MAPKAP1: variants seen among roughly 807,000 people sequenced by gnomAD.
MAPKAP1 encodes target of rapamycin complex 2 subunit MAPKAP1.
A neutral mutation model predicts 65.7 loss-of-function variants in MAPKAP1; 20 were observed. That is an observed-to-expected ratio of 0.30 (90% CI 0.21 to 0.44). The LOEUF is 0.44. MAPKAP1 is among the 20% of genes least tolerant of loss of function. MAPKAP1 has a pLI of 1.00. For synonymous variants in MAPKAP1, 222 were observed against 244.3 expected (o/e 0.91, Z 0.85); for missense variants, 423 against 648.0 (o/e 0.65, Z 3.77).
intron 8 of MAPKAP1, among the ~76,000 whole-genome samples, chr9:125,500,180 T>A (rs1333414465): frequency 6.6e-6 from 1 of 152,134 alleles, no homozygotes; most frequent in African/African-American, 2.4e-5. Context: ...TTTTATTTTT[T>A]GAGATGGAGT....
intron 1 of MAPKAP1, among the ~76,000 whole-genome samples, chr9:125,703,218 T>A (rs964384776): frequency 2.6e-5 from 4 of 152,084 alleles, no homozygotes; most frequent in African/African-American, 9.7e-5. Flanking sequence ...TCCTAGTACA[T>A]AACAGGCATC....
chr9:125,557,904 T>C (rs375800685), intron 6 of MAPKAP1, among the ~76,000 whole-genome samples: 17 of 152,344 alleles, frequency 1.1e-4, no homozygotes, highest in East Asian at 7.7e-4. Flanking sequence ...TCGCCCAGGC[T>C]GGAGTGCAAT....
chr9:125,600,917 A>G (rs1832281408), intron 4 of MAPKAP1, among the ~76,000 whole-genome samples: 2 of 152,238 alleles, frequency 1.3e-5, no homozygotes, highest in Admixed American at 6.5e-5. Context: ...GGTAATCTGC[A>G]TGAACTAAGC....
intron 7 of MAPKAP1, among the ~76,000 whole-genome samples, chr9:125,518,842 A>T (rs1487890495): frequency 6.6e-6 from 1 of 152,242 alleles, no homozygotes; most frequent in African/African-American, 2.4e-5. Flanking sequence ...AACACACAGC[A>T]CAATCTGGAG....
In MAPKAP1 at chr9:125,517,939, C is replaced by A. The variant is rs553028088; in HGVS notation, c.959-11522G>T. Among the ~76,000 whole-genome samples, 209 of 149,984 alleles carry A rather than the reference C, an allele frequency of 1.4e-3. 1 individual carries two copies. Among genetic ancestry groups the A allele is most frequent in the African/African-American group, 5.1e-3 (203 of 39,442 alleles). ...CCCCCACCTAGCCAGCATCAGGGCA[C>A]TCTTTGAAGACGGGGTGGGAGGCTT... On this transcript the variant is annotated intron_variant, in intron 7 of 11. Coordinates refer to ENST00000265960, the MANE Select transcript of MAPKAP1 (RefSeq NM_001006617.3).
At chr9:125,459,735 G>A (rs1291077380) in intron 10 of MAPKAP1, among the ~76,000 whole-genome samples, 1 of 152,106 alleles carries the variant, frequency 6.6e-6, no homozygotes, top group African/African-American at 2.4e-5. Flanking sequence ...GAATCAGGCA[G>A]GGAGGTTGCA....
intron 5 of MAPKAP1, chr9:125,565,875 C>A: frequency 4.8e-6 from 1 of 208,882 alleles, no homozygotes. Flanking sequence ...TATCTACCAA[C>A]CCATTAACTA....
intron 9 of MAPKAP1, among the ~76,000 whole-genome samples, chr9:125,470,359 A>C (rs748077330): frequency 6.6e-6 from 1 of 152,180 alleles, no homozygotes; most frequent in African/African-American, 2.4e-5. Context: ...TAGTGCTACA[A>C]ATCTGGGTCC....
chr9:125,541,267 T>A (rs1332109174), intron 7 of MAPKAP1, among the ~76,000 whole-genome samples: 1 of 152,144 alleles, frequency 6.6e-6, no homozygotes, highest in Non-Finnish European at 1.5e-5. Context: ...AAAACGGGTA[T>A]GCAATTGGAC....
chr9:125,673,523 G>C (rs1834556483), intron 1 of MAPKAP1, among the ~76,000 whole-genome samples: 1 of 152,086 alleles, frequency 6.6e-6, no homozygotes, highest in South Asian at 2.1e-4. Context: ...ACCATGCCTG[G>C]CCTGTGTTTT....
intron 4 of MAPKAP1, among the ~76,000 whole-genome samples, chr9:125,638,164 GAGTTT>G (rs1251780444): frequency 1.3e-5 from 2 of 152,208 alleles, no homozygotes; most frequent in African/African-American, 4.8e-5. Context: ...TCAAGTGGAG[GAGTTT>G]AGTTTTGCTA....
At chr9:125,652,009 A>T (rs955225580) in intron 4 of MAPKAP1, 15 of 762,248 alleles carry the variant, frequency 2.0e-5, no homozygotes, top group Non-Finnish European at 2.6e-5. Context: ...GTAGTTTAAC[A>T]TATTAGAAGG....
At chr9:125,503,925 CG>C (rs1429474770) in intron 8 of MAPKAP1, among the ~76,000 whole-genome samples, 1 of 109,220 alleles carries the variant, frequency 9.2e-6, no homozygotes, top group Non-Finnish European at 1.7e-5. Flanking sequence ...TTGGTAGAGA[CG>C]GGGGTTTGCC....
chr9:125,694,205 G>A (rs915715244), intron 1 of MAPKAP1, among the ~76,000 whole-genome samples: 11 of 151,734 alleles, frequency 7.2e-5, no homozygotes, highest in African/African-American at 1.2e-4. Flanking sequence ...GTGCACACCC[G>A]TAATCTCAGC....
intron 7 of MAPKAP1, among the ~76,000 whole-genome samples, chr9:125,534,245 A>G (rs558886767): frequency 1.3e-5 from 2 of 152,242 alleles, no homozygotes; most frequent in African/African-American, 4.8e-5. Context: ...TGAACTGAAG[A>G]AAAAAAACCC....
chr9:125,657,518 T>C, intron 4 of MAPKAP1, 133 bp downstream of exon 4: 1 of 794,086 alleles, frequency 1.3e-6, no homozygotes, highest in South Asian at 2.1e-5. Flanking sequence ...TTAGAAAATG[T>C]AAGTGACATT....
intron 1 of MAPKAP1, among the ~76,000 whole-genome samples, chr9:125,693,730 C>CGT (rs1286226861): frequency 8.2e-5 from 11 of 134,876 alleles, no homozygotes; most frequent in African/African-American, 2.5e-4. Context: ...CGTATATACA[C>CGT]ATATATACAC....
rs1433577685 is a variant in MAPKAP1, at chr9:125,679,021, A to G, written c.-69-6378T>C. Among the ~76,000 whole-genome samples, 6 of 143,348 alleles carry G rather than the reference A, an allele frequency of 4.2e-5. No individual in the cohort carries two copies. The Admixed American group carries it at 4.2e-4, about 10-fold the overall frequency. 94.0% of individuals were successfully genotyped at this position (143,348 alleles called of 152,430 possible). A position where few individuals can be genotyped will look rare whatever the true frequency, so the allele number is the denominator to read the frequency against. On this transcript the variant is annotated intron_variant, in intron 1 of 11. Transcript: ENST00000265960. ...TAAACACAATTTTTTTTTTTTTTTG[A>G]GATGGAGTCTCGCACTGTCGTCCAG...
chr9:125,511,445 A>G (rs189625161), intron 7 of MAPKAP1, among the ~76,000 whole-genome samples: 1 of 152,192 alleles, frequency 6.6e-6, no homozygotes, highest in East Asian at 1.9e-4. Flanking sequence ...GAGAGAATTC[A>G]TACCTAGGAC....
Sources: allele counts gnomAD v4.1 joint callset (sites outside exome capture counted in the v4.1 genomes callset), GRCh38; gene constraint gnomAD v4.1.1; transcripts MANE v1.5; gene names NCBI Gene and HGNC (gene_info 2026-07-23, HGNC 2026-07-21).